RSPRY1: variants seen among roughly 807,000 people sequenced by gnomAD.
The protein encoded by RSPRY1 is RING finger and SPRY domain-containing protein 1.
In RSPRY1, 23 loss-of-function variants were observed where a neutral mutation model predicts 73.1. That is an observed-to-expected ratio of 0.31 (90% CI 0.23 to 0.45). The LOEUF is 0.45. Among genes scored for constraint, RSPRY1 ranks in the 20% least tolerant of loss-of-function variants. The probability of loss-of-function intolerance (pLI) is 1.00; values close to 1 mark genes in which losing one functional copy is unlikely to be tolerated. For synonymous variants in RSPRY1, 226 were observed against 251.4 expected, an observed-to-expected ratio of 0.90 and a Z score of 0.95; for missense variants, 448 against 698.7, an observed-to-expected ratio of 0.64 and a Z score of 4.05.
intron 1 of RSPRY1, among the ~76,000 whole-genome samples, chr16:57,191,414 G>T (rs538558670): frequency 6.6e-6 from 1 of 152,222 alleles, no homozygotes; most frequent in African/African-American, 2.4e-5. Context: ...AACAATATTG[G>T]AGTTTACTGT....
At chr16:57,219,883 A>G (rs1319774269) in intron 8 of RSPRY1, 1 of 152,208 alleles carries the variant, frequency 6.6e-6, no homozygotes, top group African/African-American at 2.4e-5. Context: ...ATGGATATGT[A>G]GTTTTTCCAG....
At chr16:57,195,113 T>A (rs552637485) in intron 1 of RSPRY1, among the ~76,000 whole-genome samples, 2 of 152,318 alleles carry the variant, frequency 1.3e-5, no homozygotes, top group East Asian at 1.9e-4. Context: ...GTTTCTTTTT[T>A]AAAAAGGCAA....
At chr16:57,193,703 C>A (rs2074390023) in intron 1 of RSPRY1, among the ~76,000 whole-genome samples, 1 of 152,160 alleles carries the variant, frequency 6.6e-6, no homozygotes, top group African/African-American at 2.4e-5. Flanking sequence ...ATAATGTTCT[C>A]TATCTTGATA....
intron 14 of RSPRY1, among the ~76,000 whole-genome samples, chr16:57,235,808 C>A (rs1202906160): frequency 2.0e-5 from 3 of 152,330 alleles, no homozygotes; most frequent in African/African-American, 7.2e-5. Context: ...TTCATCATAT[C>A]CCATACCCTG....
intron 1 of RSPRY1, among the ~76,000 whole-genome samples, chr16:57,203,822 T>G (rs1487982907): frequency 6.6e-6 from 1 of 152,242 alleles, no homozygotes; most frequent in African/African-American, 2.4e-5. Context: ...TGCAACAAAC[T>G]GATCATTGTG....
chr16:57,205,052 T>C, intron 2 of RSPRY1, 44 bp downstream of exon 2: 1 of 1,472,664 alleles, frequency 6.8e-7, no homozygotes, highest in Non-Finnish European at 9.3e-7. Context: ...ATGAAAAGTG[T>C]TCTGCCCGGA....
At chr16:57,232,767 C>T (rs1447065496) in intron 13 of RSPRY1, among the ~76,000 whole-genome samples, 1 of 152,338 alleles carries the variant, frequency 6.6e-6, no homozygotes, top group East Asian at 1.9e-4. Flanking sequence ...GCAGCTTATA[C>T]ATACTCTCTT....
intron 1 of RSPRY1, 56 bp downstream of exon 1, chr16:57,186,507 G>T (rs1293010530): frequency 6.5e-6 from 1 of 153,090 alleles, no homozygotes. Context: ...GGAACGGGAG[G>T]GAGTCTGAGG....
intron 2 of RSPRY1, among the ~76,000 whole-genome samples, chr16:57,207,108 T>C (rs2074740672): frequency 6.6e-6 from 1 of 152,238 alleles, no homozygotes; most frequent in Non-Finnish European, 1.5e-5. Context: ...CAAATATGCA[T>C]TGATTTTTGG....
Position 57,204,561 on chromosome 16 carries a change from C to T in RSPRY1, c.-98C>T, listed in dbSNP as rs1165076899. The T allele has an allele frequency of 3.7e-6, 4 of 1,067,672 alleles. No homozygotes were observed. Among genetic ancestry groups the T allele is most frequent in the African/African-American group, 1.6e-5 (1 of 63,906 alleles). 66.1% of individuals were successfully genotyped at this position (1,067,672 alleles called of 1,614,324 possible). On this transcript the variant is annotated 5_prime_UTR_variant, in exon 2 of 15. Coordinates refer to ENST00000394420, the MANE Select transcript of RSPRY1 (RefSeq NM_133368.3). ...TTGATAATGTTGGGAATAAGCTCTG[C>T]AACTTTCTTTGGCATTCAGTTGTTA...
chr16:57,227,280 C>A (rs750031557), intron 10 of RSPRY1, 62 bp from the exon 11 acceptor site: 5 of 1,108,856 alleles, frequency 4.5e-6, no homozygotes, highest in Non-Finnish European at 5.5e-6. Flanking sequence ...AAAAGACACA[C>A]TCTCTGTTCC....
intron 1 of RSPRY1, 61 bp from the exon 2 acceptor site, chr16:57,204,443 T>A: frequency 2.0e-6 from 1 of 503,264 alleles, no homozygotes; most frequent in Non-Finnish European, 3.5e-6. Flanking sequence ...ACTAGGAAAA[T>A]TTGAGTAATT....
At chr16:57,201,240 A>G (rs1397710559) in intron 1 of RSPRY1, among the ~76,000 whole-genome samples, 2 of 150,140 alleles carry the variant, frequency 1.3e-5, no homozygotes, top group Non-Finnish European at 3.0e-5. Flanking sequence ...CACTTCTCAG[A>G]CGGTGTGGCT....
intron 1 of RSPRY1, among the ~76,000 whole-genome samples, chr16:57,198,125 C>T (rs2074486143): frequency 1.3e-5 from 2 of 152,070 alleles, no homozygotes; most frequent in Admixed American, 1.3e-4. Flanking sequence ...GTGGCTCACA[C>T]CTGTAATCCC....
At chr16:57,208,253 C>A in intron 3 of RSPRY1, 143 bp downstream of exon 3, 1 of 437,150 alleles carries the variant, frequency 2.3e-6, no homozygotes, top group Non-Finnish European at 4.0e-6. Context: ...AAAGCCCTTA[C>A]TGTATGGAAA....
chr16:57,216,069 A>ATTTTTTTTTTTTTTTT, intron 6 of RSPRY1, 38 bp from the exon 7 acceptor site: 4 of 1,200,304 alleles, frequency 3.3e-6, no homozygotes, highest in Non-Finnish European at 3.5e-6. Flanking sequence ...CAGGGGAATG[A>ATTTTTTTTTTTTTTTT]TTTTTTTTTT....
intron 3 of RSPRY1, among the ~76,000 whole-genome samples, chr16:57,208,400 A>ATATATAT (rs1472775482): frequency 6.0e-5 from 3 of 50,118 alleles, no homozygotes; most frequent in East Asian, 1.2e-3. Context: ...ATATATATAT[A>ATATATAT]TTTTTTTTTT....
chr16:57,199,136 GA>G (rs1187898239), intron 1 of RSPRY1, among the ~76,000 whole-genome samples: 1 of 152,218 alleles, frequency 6.6e-6, no homozygotes, highest in Non-Finnish European at 1.5e-5. Flanking sequence ...TACTGATATA[GA>G]AGGTTGTGGT....
intron 10 of RSPRY1, among the ~76,000 whole-genome samples, chr16:57,221,808 TAG>T (rs2075041587): frequency 1.3e-5 from 2 of 152,340 alleles, no homozygotes; most frequent in Middle Eastern, 3.4e-3. Flanking sequence ...TTTCAAAAAA[TAG>T]AGTGTTGGCT....
Sources: gnomAD v4.1 joint callset for allele counts (sites outside exome capture counted in the v4.1 genomes callset) on GRCh38, gnomAD v4.1.1 for gene constraint, MANE v1.5 for transcripts, NCBI Gene and HGNC (gene_info 2026-07-23, HGNC 2026-07-21) for gene names.